The following SLIT2 variants were observed in gnomAD, a reference collection of about 807,000 sequenced individuals.
SLIT2 encodes slit guidance ligand 2.
Under a neutral mutation model 185.7 loss-of-function variants are expected in SLIT2, and 41 were observed. The ratio of observed to expected loss-of-function variants is 0.22; its 90% CI spans 0.17 to 0.29. SLIT2 has a LOEUF of 0.29. Ranked by LOEUF, SLIT2 falls within the 10% of genes least tolerant of loss-of-function variation. The pLI, the probability that SLIT2 is intolerant of heterozygous loss-of-function variation, is 1.00. For synonymous variants in SLIT2, 693 were observed against 680.2 expected (o/e 1.02, Z -0.29); for missense variants, 1,571 against 1,909.0 (o/e 0.82, Z 3.30).
intron 4 of SLIT2, among the ~76,000 whole-genome samples, chr4:20,284,054 G>A (rs1219985943): frequency 6.6e-6 from 1 of 152,196 alleles, no homozygotes; most frequent in Non-Finnish European, 1.5e-5. Context: ...TACAGGTTGA[G>A]TGAGTGAATG....
chr4:20,443,649 T>C (rs1729942813), intron 4 of SLIT2, among the ~76,000 whole-genome samples: 1 of 138,572 alleles, frequency 7.2e-6, no homozygotes, highest in Admixed American at 7.2e-5. Context: ...TTTATAACAA[T>C]GATTACCTTG....
intron 4 of SLIT2, among the ~76,000 whole-genome samples, chr4:20,351,474 G>C (rs1325941054): frequency 2.6e-5 from 4 of 152,090 alleles, no homozygotes; most frequent in African/African-American, 9.7e-5. Context: ...TCATAAATTG[G>C]CCTTTCTGGG....
chr4:20,577,778 A>G (rs1726200180), intron 29 of SLIT2, among the ~76,000 whole-genome samples: 1 of 152,234 alleles, frequency 6.6e-6, no homozygotes, highest in Admixed American at 6.5e-5. Flanking sequence ...TCTATAAATA[A>G]AGAACAAATG....
At chr4:20,444,621 GCAGTGGATAGCC>G (rs1711563375) in intron 4 of SLIT2, among the ~76,000 whole-genome samples, 1 of 152,216 alleles carries the variant, frequency 6.6e-6, no homozygotes, top group South Asian at 2.1e-4. Flanking sequence ...TAGTAATGCA[GCAGTGGATAGCC>G]CAGTGCAGTA....
chr4:20,487,765 T>C, intron 7 of SLIT2, among the ~76,000 whole-genome samples: 1 of 152,212 alleles, frequency 6.6e-6, no homozygotes, highest in East Asian at 1.9e-4. Flanking sequence ...TCAAGGAGAA[T>C]GCAAAGCAGC....
intron 29 of SLIT2, among the ~76,000 whole-genome samples, chr4:20,583,505 G>A (rs576950940): frequency 1.6e-4 from 25 of 152,168 alleles, no homozygotes; most frequent in African/African-American, 4.1e-4. Context: ...AAACAAGGAA[G>A]GAGCATTAAA....
chr4:20,480,692 A>T, intron 5 of SLIT2, 24 bp from the exon 6 acceptor site: 1 of 1,587,948 alleles, frequency 6.3e-7, no homozygotes, highest in Non-Finnish European at 8.6e-7. Context: ...CCTTCTACAT[A>T]TATTCTTCTA....
intron 16 of SLIT2, among the ~76,000 whole-genome samples, chr4:20,531,328 G>A (rs573806876): frequency 6.6e-6 from 1 of 152,280 alleles, no homozygotes; most frequent in African/African-American, 2.4e-5. Context: ...TGCTACAACA[G>A]GAATAAGACA....
At chr4:20,387,157 G>A (rs1724999574) in intron 4 of SLIT2, among the ~76,000 whole-genome samples, 1 of 152,148 alleles carries the variant, frequency 6.6e-6, no homozygotes, top group South Asian at 2.1e-4. Flanking sequence ...TTATCCGAGT[G>A]CTGGTGTGAG....
intron 9 of SLIT2, among the ~76,000 whole-genome samples, chr4:20,502,708 G>T (rs1265453399): frequency 2.0e-5 from 3 of 152,126 alleles, no homozygotes; most frequent in Non-Finnish European, 2.9e-5. Context: ...ATTAAAATTT[G>T]CAGTTGTTAG....
rs33919601 is a variant in SLIT2, at chr4:20,612,918, C to CAAA, written c.3847+2767_3847+2769dup. Among the ~76,000 whole-genome samples the CAAA allele has an allele frequency of 1.8e-3, 218 of 120,444 alleles. 2 individuals are homozygous for CAAA. The highest frequency in any genetic ancestry group is 6.1e-3 in the South Asian group (21 of 3,460). The allele number at this position is 120,444 out of a possible 152,430, so 79.0% of individuals were successfully genotyped here. On this transcript the variant is annotated intron_variant, in intron 34 of 36. Transcript: ENST00000504154. ...GGGCGACAATGGGAGACTCCATCTCCAAAAAAAAAAAAAAAAAATTATGTC... is the reference window on the plus strand; with the variant it reads ...GGGCGACAATGGGAGACTCCATCTCCAAAAAAAAAAAAAAAAAAAAATTATGTC...
At chr4:20,542,363 A>G (rs954710338) in intron 20 of SLIT2, 131 bp from the exon 21 acceptor site, 15 of 875,936 alleles carry the variant, frequency 1.7e-5, no homozygotes, top group Non-Finnish European at 2.7e-5. Flanking sequence ...TAAATACTGA[A>G]TGTCCCGCAA....
intron 11 of SLIT2, 31 bp downstream of exon 11, chr4:20,511,168 G>T: frequency 7.2e-7 from 1 of 1,393,594 alleles, no homozygotes; most frequent in Non-Finnish European, 1.0e-6. Context: ...TGAAGGAAAA[G>T]AGAAGCCACA....
chr4:20,355,060 T>C lies in SLIT2; in HGVS notation c.395+86179T>C, dbSNP rs566256812. The stretch of plus-strand genomic sequence containing the variant: ...AATGATTTGAAATATGTTTTCCTAA[T>C]TTTCGTGTTGATTAAAGTTATCAAG... On this transcript the variant is annotated intron_variant, in intron 4 of 36. Coordinates refer to ENST00000504154, the MANE Select transcript of SLIT2 (RefSeq NM_004787.4). Among the ~76,000 whole-genome samples, 6 of 152,320 alleles carry C rather than the reference T, an allele frequency of 3.9e-5. No homozygotes were observed. The South Asian group carries it at 8.3e-4, about 21-fold the overall frequency.
intron 4 of SLIT2, among the ~76,000 whole-genome samples, chr4:20,426,649 A>AAG (rs1255796189): frequency 7.7e-6 from 1 of 130,416 alleles, no homozygotes; most frequent in East Asian, 2.5e-4. Flanking sequence ...ACAGAAAAAG[A>AAG]AGGAGAACCT....
intron 20 of SLIT2, 123 bp from the exon 21 acceptor site, chr4:20,542,371 C>A: frequency 3.2e-6 from 3 of 937,410 alleles, no homozygotes; most frequent in Non-Finnish European, 3.3e-6. Context: ...GAATGTCCCG[C>A]AAATAAATGA....
At chr4:20,442,764 G>A (rs1028942092) in intron 4 of SLIT2, among the ~76,000 whole-genome samples, 2 of 152,066 alleles carry the variant, frequency 1.3e-5, no homozygotes, top group African/African-American at 4.8e-5. Flanking sequence ...CGAAAGACTG[G>A]GAGGCCTTGC....
At chr4:20,586,073 A>G (rs1303168664) in intron 29 of SLIT2, among the ~76,000 whole-genome samples, 1 of 152,212 alleles carries the variant, frequency 6.6e-6, no homozygotes, top group Non-Finnish European at 1.5e-5. Context: ...TATTCATCTA[A>G]GGAGCTTGCT....
In SLIT2 at chr4:20,285,053, T is replaced by G. The variant is rs552908247; in HGVS notation, c.395+16172T>G. Among the ~76,000 whole-genome samples the G allele has an allele frequency of 2.6e-5, 4 of 152,350 alleles. No individual in the cohort carries two copies. The South Asian group carries it at 8.3e-4, about 32-fold the overall frequency. ...CACTGTATTACATCCAGCAATTTAT[T>G]CCTTTCCACTTAAATTGTCTTCCCT... On this transcript the variant is annotated intron_variant, in intron 4 of 36. Transcript: ENST00000504154.
Sources: allele counts gnomAD v4.1 joint callset (sites outside exome capture counted in the v4.1 genomes callset), GRCh38; gene constraint gnomAD v4.1.1; transcripts MANE v1.5; gene names NCBI Gene and HGNC (gene_info 2026-07-23, HGNC 2026-07-21).